KIF26B: variants seen among roughly 807,000 people sequenced by gnomAD.
KIF26B encodes kinesin family member 26B.
A neutral mutation model predicts 151.2 loss-of-function variants in KIF26B; 63 were observed. The ratio of observed to expected loss-of-function variants is 0.42; its 90% CI spans 0.34 to 0.51. The LOEUF (loss-of-function observed/expected upper bound fraction) is 0.51. Ranked by LOEUF, KIF26B falls within the 20% of genes least tolerant of loss-of-function variation. The probability of loss-of-function intolerance (pLI) is 0.07; values close to 1 mark genes in which losing one functional copy is unlikely to be tolerated. For missense variants in KIF26B, 2,813 were observed against 2,913.6 expected (o/e 0.97, Z 0.79); for synonymous variants, 1,357 against 1,262.1 (o/e 1.08, Z -1.59).
At chr1:245,267,049 A>G (rs144083325) in intron 2 of KIF26B, among the ~76,000 whole-genome samples, 15 of 152,336 alleles carry the variant, frequency 9.8e-5, no homozygotes, top group African/African-American at 3.4e-4. Flanking sequence ...CTAGGTATTC[A>G]AGAAAGCAAG....
At chr1:245,210,257 G>A (rs913106195) in intron 2 of KIF26B, among the ~76,000 whole-genome samples, 8 of 152,158 alleles carry the variant, frequency 5.3e-5, no homozygotes, top group Non-Finnish European at 5.9e-5. Context: ...CAGGCCACCC[G>A]CAGCCTCTGG....
chr1:245,543,754 C>G (rs1388528565), intron 5 of KIF26B, among the ~76,000 whole-genome samples: 2 of 152,130 alleles, frequency 1.3e-5, no homozygotes, highest in Non-Finnish European at 2.9e-5. Context: ...TCGAGACCAG[C>G]CTGACCAACA....
chr1:245,280,236 G>A (rs1000078190), intron 2 of KIF26B, among the ~76,000 whole-genome samples: 2 of 151,910 alleles, frequency 1.3e-5, no homozygotes, highest in East Asian at 2.0e-4. Flanking sequence ...TATTTTGGCC[G>A]GGTGCGGTGG....
rs529433951 is a variant in KIF26B at position 245,167,235 on chromosome 1, C to T, written c.465+10552C>T. Among the ~76,000 whole-genome samples the T allele has an allele frequency of 5.3e-5, 8 of 151,968 alleles. No individual in the cohort carries two copies. The South Asian group carries it at 1.0e-3, about 20-fold the overall frequency. On this transcript the variant is annotated intron_variant, in intron 2 of 14. Transcript: ENST00000407071. The surrounding 1 kb of genome is among the most constrained non-coding windows in gnomAD (Gnocchi z 4.2). ...GAGCTGCAAATAATAAATTAAAATC[C>T]GCTTTTCTATCACAGGGGTGACAAA... is the stretch of plus-strand genomic sequence containing the variant.
chr1:245,585,594 C>T (rs1028549030), intron 5 of KIF26B, among the ~76,000 whole-genome samples: 5 of 152,098 alleles, frequency 3.3e-5, no homozygotes, highest in Admixed American at 6.5e-5. Context: ...ATGTTCTATT[C>T]CATGGCTAGA....
intron 2 of KIF26B, among the ~76,000 whole-genome samples, chr1:245,204,585 G>A (rs1180432939): frequency 6.6e-6 from 1 of 152,076 alleles, no homozygotes. Flanking sequence ...TGTTGGCCAG[G>A]CTGGTCTCGA....
intron 2 of KIF26B, among the ~76,000 whole-genome samples, chr1:245,237,987 C>G (rs1020470169): frequency 2.7e-5 from 4 of 150,686 alleles, no homozygotes; most frequent in African/African-American, 4.9e-5. Flanking sequence ...GATTGCACTA[C>G]TGCACTCCAA....
intron 4 of KIF26B, among the ~76,000 whole-genome samples, chr1:245,534,569 A>C (rs978797023): frequency 2.6e-5 from 4 of 152,180 alleles, no homozygotes; most frequent in African/African-American, 9.7e-5. Context: ...ATGGATGTTT[A>C]AAGATGTATG....
At chr1:245,285,923 C>T (rs1278732429) in intron 2 of KIF26B, among the ~76,000 whole-genome samples, 1 of 147,762 alleles carries the variant, frequency 6.8e-6, no homozygotes, top group Admixed American at 6.9e-5. Flanking sequence ...TCCTTGAGTC[C>T]AGGATTTCAA....
In KIF26B at chr1:245,242,944, C is replaced by T. The variant is rs192081306; in HGVS notation, c.465+86261C>T. On this transcript the variant is annotated intron_variant, in intron 2 of 14. Transcript: ENST00000407071. ...GGATTACAGGCATGAGCCACCGCGC[C>T]CAGCCATATGTGGTTTATTTACTTC... 4.8e-4 allele frequency among the ~76,000 whole-genome samples: 73 copies of T among 152,324 alleles called. 1 individual carries two copies. The highest frequency in any genetic ancestry group is 1.6e-3 in the African/African-American group (66 of 41,562).
rs1238178035 is a variant in KIF26B, at chr1:245,609,449, C to T, written c.1835C>T (p.Ser612Leu). The T allele has an allele frequency of 3.1e-6, 5 of 1,605,394 alleles. No individual in the cohort carries two copies. Among genetic ancestry groups the T allele is most frequent in the Admixed American group, 3.4e-5 (2 of 58,880 alleles). ...GAGGAGAACCTGCGGGACCTGCTGT[C>T]GGAGGTGGCCACGGGCAGCCTGCAG... ...GKEENLRDLL[S>L]EVATGSLQDG... Residue 612 changes from serine (S) to leucine (L), a missense_variant, in exon 8 of 15, where the codon TCG (serine) becomes TTG (leucine). This residue lies in a region of KIF26B where 77 missense variants were observed against 136.9 expected (regional missense o/e 0.56). Transcript: ENST00000407071.
At chr1:245,402,373 C>T (rs936066952) in intron 3 of KIF26B, among the ~76,000 whole-genome samples, 19 of 152,172 alleles carry the variant, frequency 1.2e-4, no homozygotes, top group Non-Finnish European at 2.6e-4. Flanking sequence ...TTGGCAGGCT[C>T]GCTGGATACA....
Position 245,602,491 on chromosome 1 carries a change from A to C in KIF26B, c.1351-86A>C. 1 of 983,280 alleles carries C rather than the reference A, an allele frequency of 1.0e-6. No individual in the cohort carries two copies. The allele number at this position is 983,280 out of a possible 1,614,324, so 60.9% of individuals were successfully genotyped here. On this transcript the variant is annotated intron_variant, in intron 5 of 14. Coordinates refer to ENST00000407071, the MANE Select transcript of KIF26B (RefSeq NM_018012.4). The surrounding 1 kb of genome is among the most constrained non-coding windows in gnomAD (Gnocchi z 4.5). ...GAGAAAGTTCAGTGCTGCCATGTGC[A>C]TGTATATCGCAGAGTATACAAGGGT...
At chr1:245,547,012 T>C (rs1661757246) in intron 5 of KIF26B, among the ~76,000 whole-genome samples, 1 of 152,368 alleles carries the variant, frequency 6.6e-6, no homozygotes, top group Non-Finnish European at 1.5e-5. Context: ...GTTTCTTTTT[T>C]CCCACGGATG....
chr1:245,610,874 C>G lies in KIF26B; in HGVS notation c.1915-919C>G, dbSNP rs532010839. On this transcript the variant is annotated intron_variant, in intron 8 of 14. Coordinates refer to ENST00000407071, the MANE Select transcript of KIF26B (RefSeq NM_018012.4). ...CTCAGGTTCTAAATATTGGCTCTTA[C>G]AGTTCAAAATTATTTGTATAGTTAG... Among the ~76,000 whole-genome samples, 59 of 152,276 alleles carry G rather than the reference C, an allele frequency of 3.9e-4. No individual in the cohort carries two copies. The South Asian group carries it at 9.9e-3, about 26-fold the overall frequency.
At position 245,687,216 on chromosome 1, in the gene KIF26B, C is replaced by G. The variant is rs370610606; in HGVS notation, c.4233C>G (p.Thr1411=). The G allele has an allele frequency of 1.9e-6, 3 of 1,612,940 alleles. No homozygotes were observed. Among genetic ancestry groups the G allele is most frequent in the Non-Finnish European group, 1.7e-6 (2 of 1,179,666 alleles). The part of the protein sequence containing the change: ...PRNIQEPEAP[T]ATPKAGPTLA... Reference sequence around the variant, plus strand: ...ACATCCAAGAGCCGGAGGCCCCCACCGCCACCCCCAAAGCAGGCCCCACAT... The same window carrying G: ...ACATCCAAGAGCCGGAGGCCCCCACGGCCACCCCCAAAGCAGGCCCCACAT... The change falls in exon 12 of 15, where the codon ACC becomes ACG. Residue 1411 remains threonine, a synonymous_variant. Transcript: ENST00000407071. The surrounding 1 kb of genome is among the most constrained non-coding windows in gnomAD (Gnocchi z 4.9).
Position 245,583,429 on chromosome 1 carries a change from T to C in KIF26B, c.1351-19148T>C, listed in dbSNP as rs555214962. ...CTCCGGGGCCAAGCCTGGCTGAGACTCTCTCTCTCTGCATGAGCTGCCTGC... is the reference window on the plus strand; with the variant it reads ...CTCCGGGGCCAAGCCTGGCTGAGACCCTCTCTCTCTGCATGAGCTGCCTGC... On this transcript the variant is annotated intron_variant, in intron 5 of 14. Coordinates refer to ENST00000407071, the MANE Select transcript of KIF26B (RefSeq NM_018012.4). Among the ~76,000 whole-genome samples, 4 of 152,088 alleles carry C rather than the reference T, an allele frequency of 2.6e-5. No individual in the cohort carries two copies. In the South Asian group the frequency reaches 8.3e-4, roughly 32 times the overall value.
At chr1:245,458,080 C>T (rs1015089353) in intron 4 of KIF26B, among the ~76,000 whole-genome samples, 2 of 152,148 alleles carry the variant, frequency 1.3e-5, no homozygotes, top group Non-Finnish European at 2.9e-5. Context: ...AGGAACTGTC[C>T]TAAGGGTTTT....
At chr1:245,402,917 T>A (rs1453791405) in intron 3 of KIF26B, among the ~76,000 whole-genome samples, 1 of 152,202 alleles carries the variant, frequency 6.6e-6, no homozygotes, top group Non-Finnish European at 1.5e-5. Flanking sequence ...CTGACACAAC[T>A]CCTCATTTTG....
Sources: gnomAD v4.1 joint callset for allele counts (sites outside exome capture counted in the v4.1 genomes callset) on GRCh38, gnomAD v4.1.1 for gene constraint, gnomAD v4.1.1 regional missense constraint, Gnocchi (gnomAD v3.1) non-coding constraint, MANE v1.5 for transcripts, NCBI Gene and HGNC (gene_info 2026-07-23, HGNC 2026-07-21) for gene names.